Variants in DICER1 observed in about 807,000 individuals in gnomAD.
DICER1 encodes the protein endoribonuclease Dicer.
Under a neutral mutation model 194.1 loss-of-function variants are expected in DICER1, and 43 were observed. That is an observed-to-expected ratio of 0.22 (90% CI 0.17 to 0.29). The LOEUF is 0.29. DICER1 is among the 10% of genes least tolerant of loss of function. The pLI is 1.00. For synonymous variants in DICER1, 832 were observed against 820.5 expected (o/e 1.01, Z -0.24); for missense variants, 1,608 against 2,317.0 (o/e 0.69, Z 6.28).
intron 24 of DICER1, among the ~76,000 whole-genome samples, chr14:95,092,791 TA>T (rs1889961335): frequency 6.6e-6 from 1 of 152,250 alleles, no homozygotes; most frequent in Non-Finnish European, 1.5e-5. Flanking sequence ...AGCTTAAATC[TA>T]ATTTTAACTA....
intron 12 of DICER1, 56 bp from the exon 13 acceptor site, chr14:95,112,303 C>A: frequency 1.5e-6 from 2 of 1,342,766 alleles, no homozygotes; most frequent in Non-Finnish European, 2.1e-6. Context: ...TTACCTCTAG[C>A]ACATGAAACA....
At position 95,105,700 on chromosome 14, in the gene DICER1, C is replaced by A. The variant is rs751053813; in HGVS notation, c.3071G>T (p.Trp1024Leu). Residue 1024 changes from tryptophan to leucine, a missense_variant, in exon 19 of 27, where the codon TGG becomes TTG. This residue lies in a region of DICER1 where 79 missense variants were observed against 176.1 expected (regional missense o/e 0.45). Transcript: ENST00000343455. The surrounding 1 kb of genome is among the most constrained non-coding windows in gnomAD (Gnocchi z 4.9). Reference protein sequence around the residue: ...LSSAEKRKAKWESLQNKQILV... With the variant: ...LSSAEKRKAKLESLQNKQILV... Reference sequence around the variant, plus strand: ...TACCTGTTTATTCTGCAGACTTTCCCATTTGGCTTTCCTCTTCTCAGCACT... The same window carrying A: ...TACCTGTTTATTCTGCAGACTTTCCAATTTGGCTTTCCTCTTCTCAGCACT... 1 of 1,613,454 alleles carries A rather than the reference C, an allele frequency of 6.2e-7. No homozygotes were observed. The highest frequency in any genetic ancestry group is 8.5e-7 in the Non-Finnish European group (1 of 1,179,374).
At chr14:95,123,356 T>C (rs1206356952) in intron 8 of DICER1, among the ~76,000 whole-genome samples, 1 of 152,226 alleles carries the variant, frequency 6.6e-6, no homozygotes, top group Non-Finnish European at 1.5e-5. Context: ...TTCACAAAAT[T>C]TTAATATGCA....
intron 11 of DICER1, among the ~76,000 whole-genome samples, chr14:95,114,057 G>T (rs1173924632): frequency 6.6e-6 from 1 of 152,230 alleles, no homozygotes; most frequent in Non-Finnish European, 1.5e-5. Context: ...GATAGACACT[G>T]AAACAAATAC....
intron 22 of DICER1, among the ~76,000 whole-genome samples, chr14:95,096,981 T>A (rs181460629): frequency 6.6e-6 from 1 of 152,212 alleles, no homozygotes. Flanking sequence ...TTAAGGACTT[T>A]GAACATGGAT....
chr14:95,154,725 T>C (rs1030444008), intron 1 of DICER1, among the ~76,000 whole-genome samples: 42 of 152,186 alleles, frequency 2.8e-4, no homozygotes, highest in African/African-American at 9.9e-4. Context: ...TTAGTGTTAA[T>C]GAGGACAGTT....
chr14:95,118,859 G>C (rs960863972), intron 8 of DICER1, among the ~76,000 whole-genome samples: 6 of 151,512 alleles, frequency 4.0e-5, no homozygotes, highest in Admixed American at 1.3e-4. Context: ...TGGCCATCTA[G>C]AATCTCTCTT....
chr14:95,137,199 A>C (rs977803084), intron 1 of DICER1, among the ~76,000 whole-genome samples: 2 of 148,490 alleles, frequency 1.3e-5, no homozygotes, highest in Non-Finnish European at 3.0e-5. Context: ...GAAAAGGGGA[A>C]GGGGAAAGGA....
chr14:95,136,092 C>T (rs1378544833), intron 1 of DICER1, among the ~76,000 whole-genome samples: 1 of 76,800 alleles, frequency 1.3e-5, no homozygotes. Context: ...TAGATACACA[C>T]ACACACACAC....
At position 95,090,417 on chromosome 14, in the gene DICER1, T is replaced by C; in HGVS notation, c.*81A>G. The C allele has an allele frequency of 6.6e-7, 1 of 1,523,984 alleles. No homozygotes were observed. 94.4% of individuals were successfully genotyped at this position (1,523,984 alleles called of 1,614,324 possible). ...AATTCATTCCACTCACTAACAACTT[T>C]AAGTCTTCCTTTCCGATTTAAATAA... is the stretch of plus-strand genomic sequence containing the variant. On this transcript the variant is annotated 3_prime_UTR_variant, in exon 27 of 27. Transcript: ENST00000343455.
chr14:95,098,395 C>T (rs1890556707), intron 22 of DICER1, among the ~76,000 whole-genome samples: 1 of 152,038 alleles, frequency 6.6e-6, no homozygotes, highest in African/African-American at 2.4e-5. Flanking sequence ...TGCAACCAGC[C>T]AAAACCACAG....
rs2140202353 is a variant in DICER1, at chr14:95,124,309, A to G, written c.1263T>C (p.Asp421=). The change falls in exon 8 of 27, where the codon GAT becomes GAC. Residue 421 remains aspartate (D), a synonymous_variant. Transcript: ENST00000343455. The surrounding 1 kb of genome is among the most constrained non-coding windows in gnomAD (Gnocchi z 4.5). ...GCTTCTCTTTTTCTTCAATTTCTTC[A>G]TCCTCATCATCATCCTCAGAATCAC... The part of the protein sequence containing the change: ...SWSDSEDDDE[D]EEIEEKEKPE... The G allele has an allele frequency of 6.2e-7, 1 of 1,613,858 alleles. No homozygotes were observed. The highest frequency in any genetic ancestry group is 8.5e-7 in the Non-Finnish European group (1 of 1,179,842).
chr14:95,111,471 G>A lies in DICER1; in HGVS notation c.2117-15C>T, dbSNP rs770728346. The stretch of plus-strand genomic sequence containing the variant: ...ATCCAGTTCGCCTAACAAATTTAAA[G>A]AGAGAATTAACACAATCCAGATTTT... On this transcript the variant is annotated splice_polypyrimidine_tract_variant and intron_variant, in intron 13 of 26. Coordinates refer to ENST00000343455, the MANE Select transcript of DICER1 (RefSeq NM_177438.3). 4.3e-6 allele frequency: 7 copies of A among 1,613,734 alleles called. No homozygotes were observed. The highest frequency in any genetic ancestry group is 4.2e-6 in the Non-Finnish European group (5 of 1,179,726).
chr14:95,105,288 A>G lies in DICER1; in HGVS notation c.3094-42T>C. ...AAATGGACAGATAAATACAAAGCGC[A>G]CACACAAAAGAAAAAAAAAAAGACC... On this transcript the variant is annotated intron_variant, in intron 19 of 26. Coordinates refer to ENST00000343455, the MANE Select transcript of DICER1 (RefSeq NM_177438.3). The surrounding 1 kb of genome is among the most constrained non-coding windows in gnomAD (Gnocchi z 4.9). 3 of 1,559,336 alleles carry G rather than the reference A, an allele frequency of 1.9e-6. No individual in the cohort carries two copies. The highest frequency in any genetic ancestry group is 2.2e-5 in the South Asian group (2 of 89,412).
chr14:95,117,200 G>A (rs202178294), intron 9 of DICER1, among the ~76,000 whole-genome samples: 2 of 142,256 alleles, frequency 1.4e-5, no homozygotes, highest in Admixed American at 1.4e-4. Flanking sequence ...ATATAGTGCT[G>A]TTTTTTTTTT....
chr14:95,096,688 C>A lies in DICER1; in HGVS notation c.4232G>T (p.Gly1411Val). The change falls in exon 23 of 27, where the codon GGC becomes GTC. Residue 1411 changes from glycine to valine, a missense_variant. By Grantham distance (109) the Gly-to-Val change is moderately radical (BLOSUM62 -3). Transcript: ENST00000343455. ...EMTKDCMLAN[G>V]KLDEDYEEED... The stretch of plus-strand genomic sequence containing the variant: ...CTCCTCGTAATCCTCATCCAGTTTG[C>A]CATTCGCCAGCATGCAGTCTTTTGT... 6.2e-7 allele frequency: 1 copy of A among 1,611,168 alleles called. No homozygotes were observed.
chr14:95,126,922 T>C (rs1266415708), intron 6 of DICER1, among the ~76,000 whole-genome samples, 174 bp from the exon 7 acceptor site: 10 of 152,012 alleles, frequency 6.6e-5, no homozygotes, highest in Admixed American at 6.5e-4. Flanking sequence ...TTTTTCTATA[T>C]TACCATATTT....
At chr14:95,117,088 G>A (rs140001612) in intron 9 of DICER1, among the ~76,000 whole-genome samples, 2 of 152,226 alleles carry the variant, frequency 1.3e-5, no homozygotes, top group African/African-American at 4.8e-5. Context: ...AGGTTTTTGT[G>A]TACAAGCCAG....
intron 1 of DICER1, among the ~76,000 whole-genome samples, chr14:95,144,005 T>C (rs538103989): frequency 1.8e-4 from 27 of 152,242 alleles, no homozygotes; most frequent in Admixed American, 3.3e-4. Flanking sequence ...AATCCACACA[T>C]AGAATCCAAG....
Sources: allele counts gnomAD v4.1 joint callset (sites outside exome capture counted in the v4.1 genomes callset), GRCh38; gene constraint gnomAD v4.1.1; regional missense constraint gnomAD v4.1.1; non-coding constraint Gnocchi (gnomAD v3.1); transcripts MANE v1.5; gene names NCBI Gene and HGNC (gene_info 2026-07-23, HGNC 2026-07-21).